The following KIF1B variants were observed in gnomAD, a reference collection of about 807,000 sequenced individuals.
The protein encoded by KIF1B is kinesin-like protein KIF1B.
KIF1B carries 76 observed loss-of-function variants against 241.9 expected under a neutral mutation model. That is an observed-to-expected ratio of 0.31 (90% CI 0.26 to 0.38). The LOEUF (loss-of-function observed/expected upper bound fraction) is 0.38. Among genes scored for constraint, KIF1B ranks in the 10% least tolerant of loss-of-function variants. KIF1B has a pLI of 1.00. For missense variants in KIF1B, 1,622 were observed against 2,271.4 expected, an observed-to-expected ratio of 0.71 and a Z score of 5.81; for synonymous variants, 750 against 796.7, an observed-to-expected ratio of 0.94 and a Z score of 0.99.
intron 1 of KIF1B, among the ~76,000 whole-genome samples, chr1:10,215,068 TGTG>T (rs1460470128): frequency 6.7e-6 from 1 of 149,318 alleles, no homozygotes; most frequent in Non-Finnish European, 1.5e-5. Context: ...ACATTTGTCT[TGTG>T]GTTTTTTGTA....
At chr1:10,229,866 T>TA (rs1646956510) in intron 1 of KIF1B, among the ~76,000 whole-genome samples, 1 of 23,384 alleles carries the variant, frequency 4.3e-5, no homozygotes, top group African/African-American at 2.9e-4. Flanking sequence ...AGACTCCGTC[T>TA]CAAAAAAAAA....
chr1:10,212,412 T>C (rs533329671), intron 1 of KIF1B, among the ~76,000 whole-genome samples: 55 of 152,322 alleles, frequency 3.6e-4, no homozygotes, highest in African/African-American at 1.3e-3. Flanking sequence ...AAAGCAGGTC[T>C]GGAGATGATC....
intron 23 of KIF1B, among the ~76,000 whole-genome samples, chr1:10,321,382 A>G (rs775847003): frequency 6.6e-6 from 1 of 151,928 alleles, no homozygotes; most frequent in South Asian, 2.1e-4. Flanking sequence ...GGGATTATAG[A>G]CGTGAGCCAC....
In KIF1B at chr1:10,324,873, C is replaced by A. The variant is rs1483652105; in HGVS notation, c.2653C>A (p.His885Asn). The change falls in exon 26 of 49, where the codon CAC (histidine) becomes AAC (asparagine). Residue 885 changes from histidine to asparagine, a missense_variant. By Grantham distance (68) the His-to-Asn change is moderately conservative. This residue lies in a region of KIF1B where 803 missense variants were observed against 1,112.0 expected (regional missense o/e 0.72). Coordinates refer to ENST00000676179, the MANE Select transcript of KIF1B (RefSeq NM_001365951.3). ...CAGCGATCCCTTCTATGATCGGTTCCACTGGTTCAAACTTGTGGGGAGGTA... is the reference window on the plus strand; with the variant it reads ...CAGCGATCCCTTCTATGATCGGTTCAACTGGTTCAAACTTGTGGGGAGGTA... Reference protein sequence around the residue: ...TGSDPFYDRFHWFKLVGSSPI... With the variant: ...TGSDPFYDRFNWFKLVGSSPI... 1 of 1,614,028 alleles carries A rather than the reference C, an allele frequency of 6.2e-7. No homozygotes were observed. The highest frequency in any genetic ancestry group is 1.1e-5 in the South Asian group (1 of 91,072).
At chr1:10,253,567 C>T (rs1043787778) in intron 2 of KIF1B, among the ~76,000 whole-genome samples, 1 of 152,004 alleles carries the variant, frequency 6.6e-6, no homozygotes, top group Non-Finnish European at 1.5e-5. Context: ...CACTGGAGCC[C>T]AGGAGGTTGA....
At position 10,338,584 on chromosome 1, in the gene KIF1B, A is replaced by G. The variant is rs141669098; in HGVS notation, c.3422+1051A>G. On this transcript the variant is annotated intron_variant, in intron 31 of 48. Coordinates refer to ENST00000676179, the MANE Select transcript of KIF1B (RefSeq NM_001365951.3). ...CTGATACGTTTTATGGAAAACATCT[A>G]TTTGGTTAACTGATGTCTGAAGTGA... Among the ~76,000 whole-genome samples, 808 of 152,312 alleles carry G rather than the reference A, an allele frequency of 5.3e-3. 7 individuals carry two copies. The highest frequency in any genetic ancestry group is 0.018 in the African/African-American group (764 of 41,572).
chr1:10,339,982 A>C (rs1652329866), intron 32 of KIF1B, 123 bp downstream of exon 32: 1 of 828,638 alleles, frequency 1.2e-6, no homozygotes, highest in African/African-American at 1.7e-5. Flanking sequence ...TAGACAATAG[A>C]GGGCGTGGCT....
At chr1:10,214,966 C>T (rs1194369923) in intron 1 of KIF1B, among the ~76,000 whole-genome samples, 2 of 151,334 alleles carry the variant, frequency 1.3e-5, no homozygotes, top group East Asian at 1.9e-4. Flanking sequence ...ATATGGTTTC[C>T]GTGATTTCCA....
chr1:10,225,650 C>T (rs923902411), intron 1 of KIF1B, among the ~76,000 whole-genome samples: 3 of 151,958 alleles, frequency 2.0e-5, no homozygotes, highest in African/African-American at 7.3e-5. Flanking sequence ...AAGAACAAGA[C>T]AAAGGACACA....
chr1:10,305,383 C>T (rs1650778829), intron 22 of KIF1B: 3 of 1,052,420 alleles, frequency 2.9e-6, no homozygotes, highest in East Asian at 5.4e-5. Context: ...TTGTGGTTTG[C>T]ATTTTGAAGT....
intron 44 of KIF1B, among the ~76,000 whole-genome samples, chr1:10,369,408 C>A (rs904465779): frequency 9.2e-5 from 14 of 152,080 alleles, no homozygotes; most frequent in Admixed American, 2.6e-4. Context: ...ATGAGGGGAT[C>A]GCTTGAGGCC....
intron 31 of KIF1B, among the ~76,000 whole-genome samples, chr1:10,338,060 G>C (rs1313002446): frequency 1.3e-5 from 2 of 152,098 alleles, no homozygotes; most frequent in Non-Finnish European, 2.9e-5. Context: ...CTCAAACCCT[G>C]TGCTCTGGAT....
chr1:10,347,385 G>C (rs1652626513), intron 35 of KIF1B, among the ~76,000 whole-genome samples: 1 of 152,154 alleles, frequency 6.6e-6, no homozygotes, highest in African/African-American at 2.4e-5. Flanking sequence ...TGCATTATGA[G>C]GGAGAGGTAG....
chr1:10,318,633 C>T (rs1310712930), intron 22 of KIF1B, among the ~76,000 whole-genome samples: 3 of 152,054 alleles, frequency 2.0e-5, no homozygotes, highest in Non-Finnish European at 4.4e-5. Flanking sequence ...GCAGGAGAAT[C>T]GCTTGAACCC....
intron 1 of KIF1B, among the ~76,000 whole-genome samples, chr1:10,217,343 C>CTTT (rs769372780): frequency 0.11 from 14,421 of 131,820 alleles, 1,099 homozygotes; most frequent in Non-Finnish European, 0.17. Flanking sequence ...CTTTCTTTTT[C>CTTT]TTTTTTTTTT....
intron 13 of KIF1B, 41 bp downstream of exon 13, chr1:10,278,169 T>C: frequency 1.3e-6 from 2 of 1,591,390 alleles, no homozygotes; most frequent in East Asian, 2.2e-5. Flanking sequence ...AATCCTTTCT[T>C]CTTCAGGGTT....
chr1:10,346,007 A>G (rs1652574857), intron 35 of KIF1B, 54 bp downstream of exon 35: 1 of 1,159,396 alleles, frequency 8.6e-7, no homozygotes, highest in African/African-American at 1.5e-5. Flanking sequence ...AAATTAGGAA[A>G]TGCAATTTTG....
intron 12 of KIF1B, among the ~76,000 whole-genome samples, chr1:10,276,737 A>G (rs1649130206): frequency 1.3e-5 from 2 of 151,900 alleles, no homozygotes; most frequent in Admixed American, 6.6e-5. Flanking sequence ...TTTCTTATTC[A>G]TTTCTATAAA....
At chr1:10,236,273 AAACAACAAC>A (rs367849877) in intron 2 of KIF1B, among the ~76,000 whole-genome samples, 18 of 94,036 alleles carry the variant, frequency 1.9e-4, no homozygotes, top group South Asian at 6.7e-4. Context: ...CTCCATCCCA[AAACAACAAC>A]AACAACAACA....
Sources: gnomAD v4.1 joint callset for allele counts (sites outside exome capture counted in the v4.1 genomes callset) on GRCh38, gnomAD v4.1.1 for gene constraint, gnomAD v4.1.1 regional missense constraint, MANE v1.5 for transcripts, NCBI Gene and HGNC (gene_info 2026-07-23, HGNC 2026-07-21) for gene names.